The following KHDC1 variants were observed in gnomAD, a reference collection of about 807,000 sequenced individuals.
KHDC1 encodes KH homology domain-containing protein 1.
In KHDC1, 21 loss-of-function variants were observed where a neutral mutation model predicts 24.7. That is an observed-to-expected ratio of 0.85 (90% CI 0.60 to 1.23). The LOEUF is 1.23. Among genes scored for constraint, KHDC1 ranks in the 50% most tolerant of loss-of-function variants. KHDC1 has a pLI of 0.00. For synonymous variants in KHDC1, 98 were observed against 111.7 expected (o/e 0.88, Z 0.77); for missense variants, 274 against 298.5 (o/e 0.92, Z 0.61).
At chr6:73,254,619 T>C (rs1452004546) in intron 2 of KHDC1, among the ~76,000 whole-genome samples, 4 of 152,128 alleles carry the variant, frequency 2.6e-5, no homozygotes, top group African/African-American at 7.2e-5. Context: ...AAAGAGTGTA[T>C]TGTATGATGC....
At chr6:73,306,434 T>G (rs185176931) in intron 1 of KHDC1, among the ~76,000 whole-genome samples, 45 of 152,314 alleles carry the variant, frequency 3.0e-4, no homozygotes, top group African/African-American at 1.1e-3. Flanking sequence ...GCATCAGTTC[T>G]GCTTACTAAA....
intron 2 of KHDC1, among the ~76,000 whole-genome samples, chr6:73,254,041 T>C (rs1378594725): frequency 6.6e-6 from 1 of 152,094 alleles, no homozygotes; most frequent in African/African-American, 2.4e-5. Context: ...CTTAGGAACA[T>C]CAAACATTTA....
chr6:73,245,064 TA>T (rs1260862509), intron 2 of KHDC1, among the ~76,000 whole-genome samples: 1 of 152,226 alleles, frequency 6.6e-6, no homozygotes, highest in African/African-American at 2.4e-5. Context: ...GAAATAATCT[TA>T]AAACTTTTGG....
At chr6:73,278,466 CT>C (rs1767344072) in intron 2 of KHDC1, among the ~76,000 whole-genome samples, 1 of 152,202 alleles carries the variant, frequency 6.6e-6, no homozygotes, top group Admixed American at 6.5e-5. Context: ...TCAAACAATT[CT>C]CCTGCCTTGG....
At chr6:73,275,697 T>A (rs1210406271) in intron 2 of KHDC1, 2 of 166,346 alleles carry the variant, frequency 1.2e-5, no homozygotes, top group Non-Finnish European at 2.9e-5. Flanking sequence ...GTGACATCTT[T>A]CCCCTCTCCC....
At chr6:73,299,415 C>G (rs1767821873) in intron 1 of KHDC1, 1 of 152,312 alleles carries the variant, frequency 6.6e-6, no homozygotes, top group Middle Eastern at 3.1e-3. Flanking sequence ...GGTTCACATT[C>G]TCTTCCAACG....
chr6:73,255,560 C>T (rs1362144965), intron 2 of KHDC1, among the ~76,000 whole-genome samples: 3 of 147,260 alleles, frequency 2.0e-5, no homozygotes, highest in Non-Finnish European at 4.5e-5. Context: ...CAAGAAAATG[C>T]TTCAGACAAG....
intron 2 of KHDC1, chr6:73,270,338 GTT>G (rs1767157204): frequency 6.6e-6 from 1 of 152,060 alleles, no homozygotes; most frequent in African/African-American, 2.4e-5. Flanking sequence ...TTTCATGCCT[GTT>G]TTTTGTAGAG....
At chr6:73,290,514 CTT>C (rs36033226) in intron 2 of KHDC1, 9 of 373,768 alleles carry the variant, frequency 2.4e-5, no homozygotes, top group East Asian at 7.5e-5. Context: ...ATATCATAAT[CTT>C]TTTTTTTTCT....
At chr6:73,280,052 A>G (rs181305987) in intron 2 of KHDC1, among the ~76,000 whole-genome samples, 3 of 152,124 alleles carry the variant, frequency 2.0e-5, no homozygotes, top group Non-Finnish European at 4.4e-5. Context: ...CTCTACTTTT[A>G]TAGTTAGAGA....
chr6:73,289,180 A>G (rs1341860355), intron 2 of KHDC1, among the ~76,000 whole-genome samples: 1 of 151,632 alleles, frequency 6.6e-6, no homozygotes, highest in African/African-American at 2.4e-5. Context: ...CTAAAAATAC[A>G]AAAATTAGAC....
rs149869397 is a variant in KHDC1 at position 73,245,923 on chromosome 6, A to T, written c.207-3393T>A. On this transcript the variant is annotated intron_variant, in intron 2 of 4. Transcript: ENST00000370384. ...TAGAACGTATTTACAAACCATCAGT[A>T]TGGCAACTGCTTTGGTTAATGCTAC... 5.3e-5 allele frequency among the ~76,000 whole-genome samples: 8 copies of T among 152,338 alleles called. No homozygotes were observed. The East Asian group carries it at 1.5e-3, about 29-fold the overall frequency.
intron 1 of KHDC1, among the ~76,000 whole-genome samples, chr6:73,308,761 C>T (rs1418467595): frequency 6.6e-6 from 1 of 152,184 alleles, no homozygotes; most frequent in East Asian, 1.9e-4. Context: ...TCCCAAAGTA[C>T]TGGGATTGCA....
intron 2 of KHDC1, among the ~76,000 whole-genome samples, chr6:73,281,084 C>G (rs1200367343): frequency 1.3e-5 from 2 of 152,040 alleles, no homozygotes; most frequent in African/African-American, 4.8e-5. Flanking sequence ...TGGTGCCTGT[C>G]TGTAATCCCA....
intron 2 of KHDC1, among the ~76,000 whole-genome samples, chr6:73,289,098 C>T (rs770490210): frequency 7.9e-5 from 12 of 151,930 alleles, no homozygotes; most frequent in Non-Finnish European, 1.5e-5. Context: ...CTTTGGGAGG[C>T]GAAGGCAGGC....
At chr6:73,263,152 T>C (rs1164512726) in intron 2 of KHDC1, 3 of 987,500 alleles carry the variant, frequency 3.0e-6, no homozygotes, top group Non-Finnish European at 3.6e-6. Flanking sequence ...CTTCCAGGGG[T>C]CCCGGCTCGC....
chr6:73,253,832 A>C (rs976690751), intron 2 of KHDC1, among the ~76,000 whole-genome samples: 79 of 152,256 alleles, frequency 5.2e-4, no homozygotes, highest in Non-Finnish European at 2.9e-4. Flanking sequence ...ACTGGAGCCC[A>C]GGAATTTGAG....
intron 2 of KHDC1, among the ~76,000 whole-genome samples, chr6:73,261,541 G>A (rs567035488): frequency 2.2e-4 from 34 of 151,944 alleles, no homozygotes; most frequent in Non-Finnish European, 4.4e-4. Context: ...AGGTCGAGGC[G>A]GGCGGACCCC....
chr6:73,290,294 AAAAG>A (rs1439428484), intron 2 of KHDC1: 1 of 123,396 alleles, frequency 8.1e-6, no homozygotes, highest in Non-Finnish European at 1.6e-5. Context: ...AAAGAAAAGA[AAAAG>A]AAAAAAAGCT....
Sources: gnomAD v4.1 joint callset for allele counts (sites outside exome capture counted in the v4.1 genomes callset) on GRCh38, gnomAD v4.1.1 for gene constraint, MANE v1.5 for transcripts, NCBI Gene and HGNC (gene_info 2026-07-23, HGNC 2026-07-21) for gene names.